The following VPS8 variants were observed in gnomAD, a reference collection of about 807,000 sequenced individuals.
VPS8 encodes VPS8 subunit of CORVET complex, also known as vacuolar protein sorting-associated protein 8 homolog.
In VPS8, 129 loss-of-function variants were observed where a neutral mutation model predicts 216.4. The ratio of observed to expected loss-of-function variants is 0.60; its 90% confidence interval spans 0.52 to 0.69. The LOEUF (loss-of-function observed/expected upper bound fraction) is 0.69, where lower values mean the gene tolerates loss of function less well. Ranked by LOEUF, VPS8 falls within the 30% of genes least tolerant of loss-of-function variation. VPS8 has a pLI of 0.00. For missense variants in VPS8, 1,531 were observed against 1,683.5 expected, an observed-to-expected ratio of 0.91 and a Z score of 1.59; for synonymous variants, 571 against 565.4, an observed-to-expected ratio of 1.01 and a Z score of -0.14.
intron 45 of VPS8, among the ~76,000 whole-genome samples, chr3:185,003,998 G>A (rs1317753550): frequency 2.0e-5 from 3 of 151,390 alleles, no homozygotes; most frequent in African/African-American, 7.3e-5. Flanking sequence ...TCCTAGATGG[G>A]ATGGCGGCCG....
At chr3:184,953,321 G>A (rs1745035898) in intron 36 of VPS8, among the ~76,000 whole-genome samples, 1 of 152,192 alleles carries the variant, frequency 6.6e-6, no homozygotes, top group Non-Finnish European at 1.5e-5. Flanking sequence ...ATCACTACAT[G>A]GAGGTTTTAT....
At chr3:184,989,056 A>G (rs578197286) in intron 42 of VPS8, among the ~76,000 whole-genome samples, 2 of 152,338 alleles carry the variant, frequency 1.3e-5, no homozygotes, top group South Asian at 4.1e-4. Context: ...GTCATCTGCA[A>G]ACAAAGACAG....
At chr3:185,038,842 T>C (rs1434822043) in intron 46 of VPS8, among the ~76,000 whole-genome samples, 1 of 152,144 alleles carries the variant, frequency 6.6e-6, no homozygotes, top group Non-Finnish European at 1.5e-5. Context: ...GGACTGCCTC[T>C]CCTGGACTCA....
chr3:185,010,827 C>A (rs1424326387), intron 45 of VPS8, among the ~76,000 whole-genome samples: 2 of 151,932 alleles, frequency 1.3e-5, no homozygotes, highest in Non-Finnish European at 2.9e-5. Context: ...CATGATGAGA[C>A]CCTGTCTCTA....
chr3:185,010,311 CCAA>C (rs1754836083), intron 45 of VPS8, among the ~76,000 whole-genome samples: 2 of 151,982 alleles, frequency 1.3e-5, no homozygotes, highest in South Asian at 4.2e-4. Context: ...TATCCAATAC[CCAA>C]CAAGATAGAA....
intron 42 of VPS8, among the ~76,000 whole-genome samples, chr3:184,984,958 TCTTCA>T (rs1341304194): frequency 1.3e-5 from 2 of 152,208 alleles, no homozygotes; most frequent in African/African-American, 2.4e-5. Context: ...TATTTGAAAA[TCTTCA>T]CTTTATTTTG....
chr3:184,938,022 C>T lies in VPS8; in HGVS notation c.2988+1687C>T, dbSNP rs192225733. Among the ~76,000 whole-genome samples the T allele has an allele frequency of 1.5e-3, 225 of 152,164 alleles. 2 individuals carry two copies. The highest frequency in any genetic ancestry group is 4.2e-3 in the African/African-American group (175 of 41,494). ...GATCCATTTTACAGAAAATGAACTT[C>T]GGATAGCAGTGGGGAGAATGGACTG... On this transcript the variant is annotated intron_variant, in intron 35 of 47. Transcript: ENST00000625842.
chr3:184,840,731 T>A (rs1721979879), intron 7 of VPS8, among the ~76,000 whole-genome samples: 1 of 151,752 alleles, frequency 6.6e-6, no homozygotes, highest in African/African-American at 2.4e-5. Context: ...ATAATAATAA[T>A]AAACAAAAAA....
At chr3:185,000,511 G>A (rs1753254476) in intron 45 of VPS8, among the ~76,000 whole-genome samples, 1 of 151,894 alleles carries the variant, frequency 6.6e-6, no homozygotes, top group Non-Finnish European at 1.5e-5. Context: ...TCATATTTTT[G>A]GCTTCCTGTT....
intron 16 of VPS8, 129 bp downstream of exon 16, chr3:184,863,196 C>G: frequency 8.9e-7 from 1 of 1,124,092 alleles, no homozygotes; most frequent in Non-Finnish European, 1.2e-6. Flanking sequence ...TCTTTACAAG[C>G]CACTAGGTTG....
At position 184,973,636 on chromosome 3, in the gene VPS8, T is replaced by C. The variant is rs115229670; in HGVS notation, c.3420+1884T>C. Among the ~76,000 whole-genome samples, 1,068 of 152,300 alleles carry C rather than the reference T, an allele frequency of 7.0e-3. 13 individuals are homozygous for C. Among genetic ancestry groups the C allele is most frequent in the African/African-American group, 0.024 (1,017 of 41,558 alleles). On this transcript the variant is annotated intron_variant, in intron 40 of 47. Transcript: ENST00000625842. Reference sequence around the variant, plus strand: ...ATCACCCTACTGTTTTGTTGAACATTAGAACTTATTAAAATTCTATCTAAT... The same window carrying C: ...ATCACCCTACTGTTTTGTTGAACATCAGAACTTATTAAAATTCTATCTAAT...
At chr3:184,831,807 C>G (rs140188364) in intron 3 of VPS8, among the ~76,000 whole-genome samples, 1 of 152,234 alleles carries the variant, frequency 6.6e-6, no homozygotes, top group African/African-American at 2.4e-5. Context: ...AGGTTGGGAT[C>G]TCCCGTTTTT....
In VPS8 at chr3:184,834,751, T is replaced by C; in HGVS notation, c.447+9T>C. 1 of 1,552,596 alleles carries C rather than the reference T, an allele frequency of 6.4e-7. No homozygotes were observed. On this transcript the variant is annotated intron_variant, in intron 5 of 47. Coordinates refer to ENST00000625842, the MANE Select transcript of VPS8 (RefSeq NM_001009921.3). ...AGATAGTGTCTGCAGCTGTAAGTATTTTGTTCTTTTCCCTCAACTTTGTAA... is the reference window on the plus strand; with the variant it reads ...AGATAGTGTCTGCAGCTGTAAGTATCTTGTTCTTTTCCCTCAACTTTGTAA...
intron 45 of VPS8, among the ~76,000 whole-genome samples, chr3:185,014,176 G>A (rs999280773): frequency 6.6e-6 from 1 of 152,164 alleles, no homozygotes; most frequent in Admixed American, 6.5e-5. Flanking sequence ...CACGGCAATG[G>A]TAATCACCAC....
At position 184,853,956 on chromosome 3, in the gene VPS8, G is replaced by A; in HGVS notation, c.921G>A (p.Leu307=). The change falls in exon 12 of 48, where the codon TTG becomes TTA. Residue 307 remains leucine, a synonymous_variant. Coordinates refer to ENST00000625842, the MANE Select transcript of VPS8 (RefSeq NM_001009921.3). ...CIEPLHSKPE[L]KDHPITQFSL... ...AGCCTCTGCATTCTAAGCCTGAGTT[G>A]AAAGATCATCCCATCACACAGTTTT... 1 of 1,613,588 alleles carries A rather than the reference G, an allele frequency of 6.2e-7. No individual in the cohort carries two copies. The highest frequency in any genetic ancestry group is 8.5e-7 in the Non-Finnish European group (1 of 1,179,730).
chr3:184,999,045 C>T (rs972226530), intron 44 of VPS8, among the ~76,000 whole-genome samples: 4 of 151,512 alleles, frequency 2.6e-5, no homozygotes, highest in African/African-American at 9.7e-5. Context: ...CCACACCTGG[C>T]TAATTTTTTG....
chr3:184,861,765 T>A (rs1186491180), intron 15 of VPS8, among the ~76,000 whole-genome samples: 1 of 152,228 alleles, frequency 6.6e-6, no homozygotes, highest in Non-Finnish European at 1.5e-5. Flanking sequence ...ACTAAACTTA[T>A]TGAGGTTCAT....
At chr3:185,011,950 G>A (rs961429824) in intron 45 of VPS8, among the ~76,000 whole-genome samples, 16 of 152,118 alleles carry the variant, frequency 1.1e-4, no homozygotes, top group African/African-American at 1.9e-4. Context: ...ATGGGGAAAC[G>A]TCAGCACAGA....
At chr3:184,949,365 G>C (rs1744246019) in intron 36 of VPS8, among the ~76,000 whole-genome samples, 1 of 152,184 alleles carries the variant, frequency 6.6e-6, no homozygotes, top group Non-Finnish European at 1.5e-5. Context: ...GAAGTGGAAA[G>C]TGACCAAATC....
Sources: allele counts gnomAD v4.1 joint callset (sites outside exome capture counted in the v4.1 genomes callset), GRCh38; gene constraint gnomAD v4.1.1; transcripts MANE v1.5; gene names NCBI Gene and HGNC (gene_info 2026-07-23, HGNC 2026-07-21).